The following CDK5RAP2 variants were observed in gnomAD, a reference collection of about 807,000 sequenced individuals.
CDK5RAP2 encodes the protein CDK5 regulatory subunit associated protein 2.
CDK5RAP2 carries 147 observed loss-of-function variants against 232.9 expected under a neutral mutation model. The ratio of observed to expected loss-of-function variants is 0.63; its 90% CI spans 0.55 to 0.72. The LOEUF is 0.72. Among genes scored for constraint, CDK5RAP2 ranks in the 30% least tolerant of loss-of-function variants. The pLI, the probability that CDK5RAP2 is intolerant of heterozygous loss-of-function variation, is 0.00. For synonymous variants in CDK5RAP2, 833 were observed against 833.7 expected (o/e 1.00, Z 0.01); for missense variants, 2,195 against 2,231.5 (o/e 0.98, Z 0.33).
At chr9:120,578,456 G>C (rs986883995) in intron 1 of CDK5RAP2, among the ~76,000 whole-genome samples, 1 of 152,020 alleles carries the variant, frequency 6.6e-6, no homozygotes, top group African/African-American at 2.4e-5. Flanking sequence ...CTTAGTCTGT[G>C]CCTCATACAT....
At chr9:120,547,196 G>C (rs1387997407) in intron 4 of CDK5RAP2, among the ~76,000 whole-genome samples, 3 of 151,826 alleles carry the variant, frequency 2.0e-5, no homozygotes, top group African/African-American at 7.2e-5. Context: ...CGCCACGTTG[G>C]CCAGGCTGGT....
intron 1 of CDK5RAP2, among the ~76,000 whole-genome samples, chr9:120,578,517 G>C (rs2043121889): frequency 6.6e-6 from 1 of 151,226 alleles, no homozygotes; most frequent in South Asian, 2.1e-4. Context: ...ACCCAAGATA[G>C]GCCCTCTTTA....
At chr9:120,430,769 C>A in intron 25 of CDK5RAP2, among the ~76,000 whole-genome samples, 1 of 151,182 alleles carries the variant, frequency 6.6e-6, no homozygotes, top group African/African-American at 2.4e-5. Context: ...TGGGTATATA[C>A]CCAAAGGACT....
rs145824106 is a variant in CDK5RAP2, at chr9:120,544,946, T to G, written c.383+768A>C. On this transcript the variant is annotated intron_variant, in intron 5 of 37. Coordinates refer to ENST00000349780, the MANE Select transcript of CDK5RAP2 (RefSeq NM_018249.6). ...CGAAATACTTGTGTATTTCACAAGT[T>G]ACTATGTAATAAATGTTTACGAATG... Among the ~76,000 whole-genome samples, 35 of 152,342 alleles carry G rather than the reference T, an allele frequency of 2.3e-4. 1 individual carries two copies. The East Asian group carries it at 5.8e-3, about 25-fold the overall frequency.
At chr9:120,575,699 C>G (rs1014747941) in intron 1 of CDK5RAP2, among the ~76,000 whole-genome samples, 3 of 152,164 alleles carry the variant, frequency 2.0e-5, no homozygotes, top group Non-Finnish European at 2.9e-5. Flanking sequence ...GCCTAAAGTT[C>G]TCCTTGGCTC....
At chr9:120,452,674 C>A (rs1004138910) in intron 21 of CDK5RAP2, among the ~76,000 whole-genome samples, 1 of 151,172 alleles carries the variant, frequency 6.6e-6, no homozygotes, top group African/African-American at 2.4e-5. Flanking sequence ...AACAATCTGG[C>A]ATACTTGATA....
intron 14 of CDK5RAP2, among the ~76,000 whole-genome samples, chr9:120,481,958 C>T (rs2038342851): frequency 6.6e-6 from 1 of 152,214 alleles, no homozygotes; most frequent in Admixed American, 6.5e-5. Context: ...TCAGCTGTTA[C>T]TATTATTCTT....
chr9:120,576,124 G>C (rs536071021), intron 1 of CDK5RAP2, among the ~76,000 whole-genome samples: 2 of 152,302 alleles, frequency 1.3e-5, no homozygotes, highest in African/African-American at 4.8e-5. Flanking sequence ...ACTTTTGAAA[G>C]GATGTGTATT....
chr9:120,405,935 T>A (rs1328953238), intron 32 of CDK5RAP2, among the ~76,000 whole-genome samples: 1 of 152,210 alleles, frequency 6.6e-6, no homozygotes, highest in African/African-American at 2.4e-5. Context: ...TTGAAAAATA[T>A]AAATTCATGC....
At chr9:120,573,626 T>C (rs904639876) in intron 1 of CDK5RAP2, among the ~76,000 whole-genome samples, 1 of 151,964 alleles carries the variant, frequency 6.6e-6, no homozygotes, top group Non-Finnish European at 1.5e-5. Flanking sequence ...ATGTCCTCAA[T>C]TATGAAAACA....
chr9:120,530,051 T>C lies in CDK5RAP2; in HGVS notation c.752A>G (p.Asp251Gly), dbSNP rs780728948. 4 of 1,613,918 alleles carry C rather than the reference T, an allele frequency of 2.5e-6. No individual in the cohort carries two copies. In the South Asian group the frequency reaches 3.3e-5, roughly 13 times the overall value. Residue 251 changes from aspartate (D) to glycine (G), a missense_variant, in exon 8 of 38, where the codon GAT becomes GGT. By Grantham distance (94) the Asp-to-Gly change is moderately conservative. Coordinates refer to ENST00000349780, the MANE Select transcript of CDK5RAP2 (RefSeq NM_018249.6). Reference protein sequence around the residue: ...KEEKSQMACPDENVSSGELRG... With the variant: ...KEEKSQMACPGENVSSGELRG... The stretch of plus-strand genomic sequence containing the variant: ...GAGCTCTCCAGATGACACATTCTCA[T>C]CAGGACATGCCATCTGAGATTTCTC...
intron 1 of CDK5RAP2, among the ~76,000 whole-genome samples, chr9:120,577,995 C>T (rs1035072093): frequency 2.0e-5 from 3 of 152,280 alleles, no homozygotes; most frequent in East Asian, 1.9e-4. Context: ...TCACGCCGGG[C>T]GCGGTGGCTC....
chr9:120,405,664 G>A (rs2033382804), intron 32 of CDK5RAP2, among the ~76,000 whole-genome samples: 1 of 152,204 alleles, frequency 6.6e-6, no homozygotes, highest in South Asian at 2.1e-4. Context: ...GTGGCAATAT[G>A]GCACCTTTCC....
chr9:120,458,780 AAG>A (rs149429216), intron 19 of CDK5RAP2, among the ~76,000 whole-genome samples, 158 bp from the exon 20 acceptor site: 1 of 152,086 alleles, frequency 6.6e-6, no homozygotes, highest in Admixed American at 6.6e-5. Flanking sequence ...GAGAAGGAGG[AAG>A]AGAGAGAGAC....
intron 19 of CDK5RAP2, among the ~76,000 whole-genome samples, chr9:120,460,092 G>A (rs2037000669): frequency 6.6e-6 from 1 of 152,162 alleles, no homozygotes; most frequent in South Asian, 2.1e-4. Context: ...GGAGATTGCA[G>A]AGGGCCCCTA....
chr9:120,567,973 A>G (rs1386949559), intron 3 of CDK5RAP2, among the ~76,000 whole-genome samples: 1 of 152,260 alleles, frequency 6.6e-6, no homozygotes, highest in Non-Finnish European at 1.5e-5. Context: ...TTATAGTAAC[A>G]GTAAGGCCTT....
rs541492519 is a variant in CDK5RAP2, at chr9:120,407,148, G to A, written c.4827C>T (p.Ile1609=). The change falls in exon 32 of 38, where the codon ATC becomes ATT. Residue 1609 remains isoleucine, a synonymous_variant. Coordinates refer to ENST00000349780, the MANE Select transcript of CDK5RAP2 (RefSeq NM_018249.6). ...QALRLQLERS[I]ETSSTLQSRL... is the part of the protein sequence containing the mutation. ...TGCTCTGCAGAGTGCTGCTGGTTTCGATGCTCCTTTCTAGTTGCAAGCGCA... is the reference window on the plus strand; with the variant it reads ...TGCTCTGCAGAGTGCTGCTGGTTTCAATGCTCCTTTCTAGTTGCAAGCGCA... The A allele has an allele frequency of 1.1e-5, 18 of 1,613,980 alleles. No homozygotes were observed. The South Asian group carries it at 1.3e-4, about 12-fold the overall frequency.
chr9:120,485,804 TTA>T (rs1291904639), intron 14 of CDK5RAP2, among the ~76,000 whole-genome samples: 1 of 152,146 alleles, frequency 6.6e-6, no homozygotes, highest in East Asian at 1.9e-4. Context: ...CCTCTGAGAT[TTA>T]GTTATAAGAC....
At position 120,529,969 on chromosome 9, in the gene CDK5RAP2, T is replaced by A; in HGVS notation, c.825+9A>T. On this transcript the variant is annotated intron_variant, in intron 8 of 37. Transcript: ENST00000349780. ...ATTAAAGCCCCCTCTTCATGTCCTG[T>A]CACCTCACCTCAGTTTCTCTCTCCT... is the stretch of plus-strand genomic sequence containing the variant. 6.2e-7 allele frequency: 1 copy of A among 1,613,576 alleles called. No individual in the cohort carries two copies. Among genetic ancestry groups the A allele is most frequent in the Non-Finnish European group, 8.5e-7 (1 of 1,179,698 alleles).
Sources: allele counts gnomAD v4.1 joint callset (sites outside exome capture counted in the v4.1 genomes callset), GRCh38; gene constraint gnomAD v4.1.1; transcripts MANE v1.5; gene names NCBI Gene and HGNC (gene_info 2026-07-23, HGNC 2026-07-21).